Variants in SHTN1 observed in about 807,000 individuals in gnomAD.
SHTN1 encodes shootin 1.
In SHTN1, 42 loss-of-function variants were observed where a neutral mutation model predicts 83.1. The ratio of observed to expected loss-of-function variants is 0.51; its 90% CI spans 0.39 to 0.65. SHTN1 has a LOEUF of 0.65. Among genes scored for constraint, SHTN1 ranks in the 30% least tolerant of loss-of-function variants. SHTN1 has a pLI of 0.00. For missense variants in SHTN1, 622 were observed against 737.8 expected (o/e 0.84, Z 1.82); for synonymous variants, 224 against 247.7 (o/e 0.90, Z 0.90).
intron 14 of SHTN1, among the ~76,000 whole-genome samples, chr10:116,910,120 G>C (rs1433016909): frequency 6.6e-6 from 1 of 152,174 alleles, no homozygotes; most frequent in African/African-American, 2.4e-5. Context: ...ATAAGAATGT[G>C]TGTGGTTTAT....
At position 116,882,325 on chromosome 10, in the gene SHTN1, GAATT is replaced by G. The variant is rs1490816584; in HGVS notation, c.*4015_*4018del. The G allele has an allele frequency of 6.7e-6, 1 of 149,544 alleles. No individual in the cohort carries two copies. The highest frequency in any genetic ancestry group is 6.7e-5 in the Admixed American group (1 of 14,908). The allele number at this position is 149,544 out of a possible 1,614,324, so 9.3% of individuals were successfully genotyped here. A position where few individuals can be genotyped will look rare whatever the true frequency, so the allele number is the denominator to read the frequency against. ...TAAATGAATAAGCACATCAGTAAAT[GAATT>G]AATATTCTCAAGGTTATTAAATGCC... On this transcript the variant is annotated 3_prime_UTR_variant, in exon 17 of 17. Transcript: ENST00000355371.
intron 9 of SHTN1, among the ~76,000 whole-genome samples, chr10:116,936,013 TC>T (rs1282754210): frequency 6.6e-6 from 1 of 152,144 alleles, no homozygotes; most frequent in African/African-American, 2.4e-5. Context: ...GGTGGTGATC[TC>T]CCCCTTTACA....
intron 3 of SHTN1, among the ~76,000 whole-genome samples, chr10:116,962,129 A>G (rs918647222): frequency 3.5e-5 from 5 of 144,438 alleles, no homozygotes; most frequent in Admixed American, 1.5e-4. Flanking sequence ...AAATCACGCA[A>G]TAGGTCCTAA....
chr10:117,011,428 GCTCT>G (rs1682712793), intron 2 of SHTN1, among the ~76,000 whole-genome samples: 2 of 152,114 alleles, frequency 1.3e-5, no homozygotes, highest in South Asian at 2.1e-4. Context: ...TTATTTTGGG[GCTCT>G]CTATTTTATT....
At chr10:116,899,718 C>A (rs1847663944) in intron 16 of SHTN1, among the ~76,000 whole-genome samples, 1 of 152,150 alleles carries the variant, frequency 6.6e-6, no homozygotes, top group Admixed American at 6.5e-5. Context: ...TACTAGAATG[C>A]AAAGACAGTT....
chr10:116,912,110 T>C (rs1321990152), intron 13 of SHTN1, among the ~76,000 whole-genome samples: 1 of 152,228 alleles, frequency 6.6e-6, no homozygotes, highest in Admixed American at 6.5e-5. Flanking sequence ...TGTTACCTCT[T>C]GATTATTATC....
At chr10:117,058,655 G>A (rs1589914973) in intron 1 of SHTN1, among the ~76,000 whole-genome samples, 1 of 152,282 alleles carries the variant, frequency 6.6e-6, no homozygotes, top group East Asian at 1.9e-4. Flanking sequence ...CCACTTCTGA[G>A]TATATACTCA....
At chr10:117,121,874 TA>T (rs1474614183) in intron 1 of SHTN1, among the ~76,000 whole-genome samples, 1 of 150,912 alleles carries the variant, frequency 6.6e-6, no homozygotes, top group Non-Finnish European at 1.5e-5. Context: ...CTACTAAAAA[TA>T]CAAAAAATTA....
chr10:116,915,653 TAAAGA>T (rs2133355247), intron 12 of SHTN1, among the ~76,000 whole-genome samples, 169 bp from the exon 13 acceptor site: 1 of 152,244 alleles, frequency 6.6e-6, no homozygotes, highest in South Asian at 2.1e-4. Context: ...TAGCAACACT[TAAAGA>T]AAAAACTTTT....
chr10:117,005,519 C>T, upstream of SHTN1: 3 of 1,001,138 alleles, frequency 3.0e-6, no homozygotes, highest in Non-Finnish European at 3.6e-6. Context: ...GGGAACTCCA[C>T]TTTGGACGCT....
chr10:116,983,695 C>G (rs4993924), intron 1 of SHTN1, among the ~76,000 whole-genome samples: 15 of 15,024 alleles, frequency 1.0e-3, no homozygotes, highest in East Asian at 5.4e-3. Context: ...TAAATACATA[C>G]ATACATACAT....
At chr10:117,082,866 T>G (rs1338050565) in intron 1 of SHTN1, among the ~76,000 whole-genome samples, 5 of 151,460 alleles carry the variant, frequency 3.3e-5, no homozygotes, top group Non-Finnish European at 7.4e-5. Context: ...AACCCCTGCC[T>G]TTTTTTGTTT....
chr10:117,018,499 A>ATTT lies in SHTN1; in HGVS notation c.-123+29943_-123+29945dup, dbSNP rs144955533. On this transcript the variant is annotated intron_variant, in intron 2 of 17. Coordinates refer to the SHTN1 transcript ENST00000392901. ...TCAATCTGATAAAGGGTGTATGTGT[A>ATTT]TTTTTTTTAAAAAAAAAAAAAAAAG... Among the ~76,000 whole-genome samples, 32 of 66,822 alleles carry ATTT rather than the reference A, an allele frequency of 4.8e-4. 5 individuals carry two copies. Among genetic ancestry groups the ATTT allele is most frequent in the East Asian group, 1.0e-3 (3 of 3,000 alleles). 43.8% of individuals were successfully genotyped at this position (66,822 alleles called of 152,430 possible).
At chr10:117,042,413 T>G (rs1361725699) in intron 2 of SHTN1, among the ~76,000 whole-genome samples, 1 of 152,188 alleles carries the variant, frequency 6.6e-6, no homozygotes, top group African/African-American at 2.4e-5. Context: ...CTCCTAATAC[T>G]GGAAGTCCCA....
chr10:116,930,009 G>T lies in SHTN1; in HGVS notation c.859-7C>A. The T allele has an allele frequency of 6.0e-6, 9 of 1,502,692 alleles. No individual in the cohort carries two copies. The highest frequency in any genetic ancestry group is 2.7e-5 in the South Asian group (2 of 74,524). The allele number at this position is 1,502,692 out of a possible 1,614,324, so 93.1% of individuals were successfully genotyped here. A position where few individuals can be genotyped will look rare whatever the true frequency, so the allele number is the denominator to read the frequency against. ...GCTCTTCTAATTCTTTGACCTATAA[G>T]TTATTTAAAAAAAAAAGACTTTTAT... On this transcript the variant is annotated splice_region_variant and splice_polypyrimidine_tract_variant and intron_variant, in intron 9 of 16. Coordinates refer to ENST00000355371, the MANE Select transcript of SHTN1 (RefSeq NM_001127211.3).
At chr10:117,123,625 C>T (rs1370927860) in intron 1 of SHTN1, among the ~76,000 whole-genome samples, 3 of 152,218 alleles carry the variant, frequency 2.0e-5, no homozygotes, top group South Asian at 2.1e-4. Context: ...GGATTGCTGG[C>T]CAGGCACGGT....
At chr10:117,081,349 G>A (rs1471788963) in intron 1 of SHTN1, among the ~76,000 whole-genome samples, 19 of 141,786 alleles carry the variant, frequency 1.3e-4, no homozygotes, top group East Asian at 1.3e-3. Flanking sequence ...ATTGATTTGC[G>A]TATATTGAAC....
At chr10:117,119,000 T>TA (rs1203960776) in intron 1 of SHTN1, among the ~76,000 whole-genome samples, 1 of 152,152 alleles carries the variant, frequency 6.6e-6, no homozygotes, top group Non-Finnish European at 1.5e-5. Context: ...TATGTAACCA[T>TA]AAAAAAGAAT....
intron 1 of SHTN1, among the ~76,000 whole-genome samples, chr10:117,104,257 C>T (rs900295918): frequency 6.6e-6 from 1 of 151,830 alleles, no homozygotes; most frequent in African/African-American, 2.4e-5. Flanking sequence ...CTCATAAAAT[C>T]TTCCCTTCAT....
Sources: allele counts gnomAD v4.1 joint callset (sites outside exome capture counted in the v4.1 genomes callset), GRCh38; gene constraint gnomAD v4.1.1; transcripts MANE v1.5; gene names NCBI Gene and HGNC (gene_info 2026-07-23, HGNC 2026-07-21).